Variants in SENP7 observed in about 807,000 individuals in gnomAD.
SENP7 encodes the protein SUMO specific peptidase 7, also known as sentrin-specific protease 7.
A neutral mutation model predicts 141.2 loss-of-function variants in SENP7; 64 were observed. The observed-to-expected ratio is 0.45, with a 90% CI of 0.37 to 0.56. SENP7 has a LOEUF of 0.56. Ranked by LOEUF, SENP7 falls within the 20% of genes least tolerant of loss-of-function variation. The probability of loss-of-function intolerance (pLI) is 0.00; values close to 1 mark genes in which losing one functional copy is unlikely to be tolerated. For synonymous variants in SENP7, 382 were observed against 426.4 expected, an observed-to-expected ratio of 0.90 and a Z score of 1.28; for missense variants, 1,025 against 1,212.2, an observed-to-expected ratio of 0.85 and a Z score of 2.29.
chr3:101,482,738 A>T (rs2064549505), intron 3 of SENP7, among the ~76,000 whole-genome samples: 1 of 152,160 alleles, frequency 6.6e-6, no homozygotes, highest in African/African-American at 2.4e-5. Flanking sequence ...CACTATGGTG[A>T]CCTATCTTTT....
At chr3:101,373,675 TG>T (rs1220672969) in intron 6 of SENP7, among the ~76,000 whole-genome samples, 1 of 152,184 alleles carries the variant, frequency 6.6e-6, no homozygotes, top group Non-Finnish European at 1.5e-5. Context: ...GTAGTTGGCA[TG>T]AAACCAAAAA....
intron 3 of SENP7, among the ~76,000 whole-genome samples, chr3:101,466,611 A>C (rs1235095022): frequency 6.6e-6 from 1 of 152,220 alleles, no homozygotes; most frequent in Non-Finnish European, 1.5e-5. Context: ...TAAAACTCTC[A>C]AAGAAACACA....
At chr3:101,507,749 C>T (rs1353419852) in intron 1 of SENP7, among the ~76,000 whole-genome samples, 1 of 151,992 alleles carries the variant, frequency 6.6e-6, no homozygotes, top group African/African-American at 2.4e-5. Context: ...TTAAAATTAA[C>T]ATAAATTGGA....
At chr3:101,409,076 G>A (rs373477189) in intron 5 of SENP7, among the ~76,000 whole-genome samples, 5 of 152,018 alleles carry the variant, frequency 3.3e-5, no homozygotes, top group African/African-American at 9.7e-5. Flanking sequence ...AAAAGAATTC[G>A]GTAAAGTTTC....
chr3:101,407,385 GA>G (rs2061335330), intron 5 of SENP7, among the ~76,000 whole-genome samples: 1 of 152,106 alleles, frequency 6.6e-6, no homozygotes, highest in African/African-American at 2.4e-5. Context: ...CATCAAGACA[GA>G]AAGTCAACAA....
chr3:101,412,204 C>A (rs2061475664), intron 5 of SENP7, among the ~76,000 whole-genome samples: 1 of 151,988 alleles, frequency 6.6e-6, no homozygotes, highest in Non-Finnish European at 1.5e-5. Flanking sequence ...CCAAAAATTA[C>A]AATACTAATT....
Position 101,340,193 on chromosome 3 carries a change from T to G in SENP7, c.2259A>C (p.Pro753=), listed in dbSNP as rs969981043. The G allele has an allele frequency of 1.9e-6, 3 of 1,596,526 alleles. No individual in the cohort carries two copies. In the African/African-American group the frequency reaches 4.1e-5, roughly 22 times the overall value. Residue 753 remains proline, a synonymous_variant, in exon 16 of 24, where the codon CCA becomes CCC. Coordinates refer to ENST00000394095, the MANE Select transcript of SENP7 (RefSeq NM_020654.5). ...GLVQKLIVYP[P]PPTKGGLGVT... The stretch of plus-strand genomic sequence containing the variant: ...CTCCTAATCCCCCCTTAGTAGGTGG[T>G]GGAGGATATACAATCAACCTTAAAA...
chr3:101,365,134 C>G (rs557729220), intron 9 of SENP7, 143 bp from the exon 10 acceptor site: 2 of 442,714 alleles, frequency 4.5e-6, no homozygotes, highest in Non-Finnish European at 3.8e-6. Flanking sequence ...TCCCGAGTAG[C>G]TGGAATTACA....
chr3:101,403,373 C>G (rs1426389884), intron 5 of SENP7, among the ~76,000 whole-genome samples: 1 of 152,128 alleles, frequency 6.6e-6, no homozygotes, highest in Non-Finnish European at 1.5e-5. Flanking sequence ...ATTTTAGATC[C>G]TTGGAGAACT....
At chr3:101,437,022 G>C (rs2062416670) in intron 4 of SENP7, among the ~76,000 whole-genome samples, 1 of 152,192 alleles carries the variant, frequency 6.6e-6, no homozygotes, top group Non-Finnish European at 1.5e-5. Flanking sequence ...TATATACAAT[G>C]GAGTATATTC....
intron 19 of SENP7, among the ~76,000 whole-genome samples, chr3:101,330,826 A>C (rs994214839): frequency 6.6e-6 from 1 of 152,166 alleles, no homozygotes; most frequent in African/African-American, 2.4e-5. Flanking sequence ...CTTTTTCCCC[A>C]CATGGGTTTT....
chr3:101,479,918 A>AAAAAAAAAAAAAAAAAAAAAC, intron 3 of SENP7, among the ~76,000 whole-genome samples: 1 of 139,938 alleles, frequency 7.1e-6, no homozygotes, highest in African/African-American at 2.6e-5. Flanking sequence ...AAAAAAAAAA[A>AAAAAAAAAAAAAAAAAAAAAC]AAAACACACA....
At chr3:101,405,868 C>A (rs976403651) in intron 5 of SENP7, among the ~76,000 whole-genome samples, 1 of 152,108 alleles carries the variant, frequency 6.6e-6, no homozygotes, top group Non-Finnish European at 1.5e-5. Context: ...TTAACCCAAT[C>A]CAACAAAGAC....
chr3:101,393,461 A>G (rs905230930), intron 6 of SENP7, among the ~76,000 whole-genome samples: 1 of 152,186 alleles, frequency 6.6e-6, no homozygotes, highest in Non-Finnish European at 1.5e-5. Flanking sequence ...GTACATATCT[A>G]AAATATGTAA....
intron 4 of SENP7, among the ~76,000 whole-genome samples, chr3:101,435,777 C>T (rs1382041607): frequency 1.3e-5 from 2 of 151,824 alleles, no homozygotes. Context: ...AATATGAGAA[C>T]ACTAAAAAAT....
At chr3:101,480,447 C>G (rs1040659178) in intron 3 of SENP7, among the ~76,000 whole-genome samples, 3 of 152,116 alleles carry the variant, frequency 2.0e-5, no homozygotes, top group Non-Finnish European at 4.4e-5. Flanking sequence ...ATAAATGGTG[C>G]TGAGAAAACA....
At chr3:101,331,571 A>ATAATAC (rs1456913977) in intron 19 of SENP7, among the ~76,000 whole-genome samples, 10 of 151,616 alleles carry the variant, frequency 6.6e-5, no homozygotes, top group Admixed American at 1.3e-4. Flanking sequence ...GGAAATAATA[A>ATAATAC]TAATACATGG....
chr3:101,485,124 A>C (rs1356547481), intron 3 of SENP7, among the ~76,000 whole-genome samples: 1 of 151,928 alleles, frequency 6.6e-6, no homozygotes, highest in Non-Finnish European at 1.5e-5. Context: ...GTAGAATCTG[A>C]GCTCAGACAC....
intron 5 of SENP7, among the ~76,000 whole-genome samples, chr3:101,400,937 A>G (rs890913699): frequency 1.3e-5 from 2 of 152,052 alleles, no homozygotes; most frequent in East Asian, 1.9e-4. Context: ...TCTACAAAAC[A>G]TAATTAACGA....
Sources: allele counts gnomAD v4.1 joint callset (sites outside exome capture counted in the v4.1 genomes callset), GRCh38; gene constraint gnomAD v4.1.1; transcripts MANE v1.5; gene names NCBI Gene and HGNC (gene_info 2026-07-23, HGNC 2026-07-21).